The following SDK1 variants were observed in gnomAD, a reference collection of about 807,000 sequenced individuals.
SDK1 encodes sidekick cell adhesion molecule 1.
A neutral mutation model predicts 245.5 loss-of-function variants in SDK1; 157 were observed. That is an observed-to-expected ratio of 0.64 (90% CI 0.56 to 0.73). SDK1 has a LOEUF of 0.73. SDK1 is among the 30% of genes least tolerant of loss of function. The probability of loss-of-function intolerance (pLI) is 0.00; values close to 1 mark genes in which losing one functional copy is unlikely to be tolerated. For synonymous variants in SDK1, 1,647 were observed against 1,278.5 expected (o/e 1.29, Z -6.15); for missense variants, 3,583 against 3,002.3 (o/e 1.19, Z -4.52).
intron 4 of SDK1, among the ~76,000 whole-genome samples, chr7:3,688,533 G>A (rs577219339): frequency 6.6e-6 from 1 of 152,338 alleles, no homozygotes; most frequent in African/African-American, 2.4e-5. Flanking sequence ...GCCGTTGTTA[G>A]TATTATAATT....
At chr7:4,068,776 C>T (rs7781717) in intron 20 of SDK1, among the ~76,000 whole-genome samples, 6,114 of 151,722 alleles carry the variant, frequency 0.04, 453 homozygotes, top group African/African-American at 0.14. Flanking sequence ...GGCTGGAGTG[C>T]GGTGGCGTGA....
intron 1 of SDK1, among the ~76,000 whole-genome samples, chr7:3,315,474 C>T (rs1404960478): frequency 1.3e-5 from 2 of 152,090 alleles, no homozygotes; most frequent in Admixed American, 6.6e-5. Context: ...CTGGGAGTCT[C>T]CAAGTACCAG....
chr7:3,344,641 A>T (rs1049158604), intron 1 of SDK1, among the ~76,000 whole-genome samples: 1 of 150,292 alleles, frequency 6.7e-6, no homozygotes, highest in Non-Finnish European at 1.5e-5. Context: ...CCATTCTCAG[A>T]ATAGGTGGAT....
At chr7:3,560,040 C>G (rs1164240999) in intron 1 of SDK1, among the ~76,000 whole-genome samples, 3 of 152,218 alleles carry the variant, frequency 2.0e-5, no homozygotes, top group Non-Finnish European at 4.4e-5. Flanking sequence ...CTCAAAGCAA[C>G]CTGTCATGAG....
intron 1 of SDK1, among the ~76,000 whole-genome samples, chr7:3,343,365 G>A (rs749715980): frequency 6.6e-6 from 1 of 152,322 alleles, no homozygotes; most frequent in Non-Finnish European, 1.5e-5. Context: ...TGCACCTACT[G>A]TGAATCTCCA....
intron 19 of SDK1, among the ~76,000 whole-genome samples, chr7:4,064,672 A>G (rs1779756070): frequency 6.6e-6 from 1 of 152,224 alleles, no homozygotes; most frequent in Non-Finnish European, 1.5e-5. Flanking sequence ...AGCGTCCATC[A>G]GTAGACCAAC....
At chr7:3,405,061 C>T (rs1779012169) in intron 1 of SDK1, among the ~76,000 whole-genome samples, 2 of 151,490 alleles carry the variant, frequency 1.3e-5, no homozygotes, top group South Asian at 2.1e-4. Flanking sequence ...CTACCTGAGG[C>T]AGGCTTTGTG....
At chr7:3,430,538 C>A (rs535468045) in intron 1 of SDK1, among the ~76,000 whole-genome samples, 44 of 152,272 alleles carry the variant, frequency 2.9e-4, no homozygotes, top group African/African-American at 1.0e-3. Flanking sequence ...AGCTTCATTC[C>A]TCTCTTTCTG....
chr7:4,068,367 C>G (rs1195356423), intron 20 of SDK1, among the ~76,000 whole-genome samples: 1 of 152,164 alleles, frequency 6.6e-6, no homozygotes, highest in African/African-American at 2.4e-5. Flanking sequence ...TTCCTTCATT[C>G]AGCAGATGGC....
chr7:4,157,319 C>A (rs73035590), intron 30 of SDK1, among the ~76,000 whole-genome samples: 50 of 131,812 alleles, frequency 3.8e-4, no homozygotes, highest in Middle Eastern at 3.9e-3. Flanking sequence ...GAAGGAGGGA[C>A]GGGAGGTGGA....
intron 1 of SDK1, among the ~76,000 whole-genome samples, chr7:3,351,871 C>T (rs541352074): frequency 4.6e-5 from 7 of 152,116 alleles, no homozygotes; most frequent in South Asian, 2.1e-4. Flanking sequence ...AGAACATGAT[C>T]AATGAACAAA....
At chr7:3,545,406 T>C (rs1779188865) in intron 1 of SDK1, among the ~76,000 whole-genome samples, 1 of 152,186 alleles carries the variant, frequency 6.6e-6, no homozygotes, top group African/African-American at 2.4e-5. Context: ...GAAAGACTAA[T>C]GTGCAGTCAC....
At chr7:3,829,696 C>T (rs1562475464) in intron 5 of SDK1, among the ~76,000 whole-genome samples, 1 of 152,150 alleles carries the variant, frequency 6.6e-6, no homozygotes, top group Non-Finnish European at 1.5e-5. Flanking sequence ...GGAGGCCATC[C>T]AGCAGGAAGG....
chr7:3,940,649 C>T (rs1424217003), intron 5 of SDK1, among the ~76,000 whole-genome samples: 1 of 151,746 alleles, frequency 6.6e-6, no homozygotes, highest in Non-Finnish European at 1.5e-5. Context: ...ACGATGAAAC[C>T]CCGTCTACTA....
intron 4 of SDK1, among the ~76,000 whole-genome samples, chr7:3,686,662 C>T (rs1784292050): frequency 6.6e-6 from 1 of 152,096 alleles, no homozygotes; most frequent in African/African-American, 2.4e-5. Context: ...AGCGCACTGA[C>T]CCTGAGTTAG....
chr7:4,259,384 A>C (rs1169171898), intron 44 of SDK1, among the ~76,000 whole-genome samples: 1 of 152,202 alleles, frequency 6.6e-6, no homozygotes, highest in Non-Finnish European at 1.5e-5. Flanking sequence ...ACAGTGAGCC[A>C]AGATCGTACC....
rs1456082004 is a variant in SDK1, at chr7:4,265,783, G to A, written c.*399G>A. Reference sequence around the variant, plus strand: ...GTGAGATCTCAGAGCTGCCCCGGCCGGCCCCCGTCTCTTTCTACCTCCTCT... The same window carrying A: ...GTGAGATCTCAGAGCTGCCCCGGCCAGCCCCCGTCTCTTTCTACCTCCTCT... On this transcript the variant is annotated 3_prime_UTR_variant, in exon 45 of 45. Coordinates refer to ENST00000404826, the MANE Select transcript of SDK1 (RefSeq NM_152744.4). 9.9e-7 allele frequency: 1 copy of A among 1,012,662 alleles called. No individual in the cohort carries two copies. The highest frequency in any genetic ancestry group is 4.5e-5 in the South Asian group (1 of 21,982). The allele number at this position is 1,012,662 out of a possible 1,614,324, so 62.7% of individuals were successfully genotyped here. A position where few individuals can be genotyped will look rare whatever the true frequency, so the allele number is the denominator to read the frequency against.
intron 4 of SDK1, among the ~76,000 whole-genome samples, chr7:3,666,965 A>C (rs1322321338): frequency 6.6e-6 from 1 of 151,136 alleles, no homozygotes; most frequent in African/African-American, 2.4e-5. Context: ...TTTTTTATTT[A>C]CTTTTTTTTT....
In SDK1 at chr7:3,987,334, A is replaced by G. The variant is rs370134633; in HGVS notation, c.2131+12A>G. The G allele has an allele frequency of 8.7e-6, 14 of 1,612,816 alleles. No individual in the cohort carries two copies. In the African/African-American group the frequency reaches 1.9e-4, roughly 22 times the overall value. ...GCTCTCTGAAAACAGTAAGTAGCAA[A>G]ATGAAACTGTCACCATGGACGATAA... On this transcript the variant is annotated intron_variant, in intron 14 of 44. Coordinates refer to ENST00000404826, the MANE Select transcript of SDK1 (RefSeq NM_152744.4).
Sources: gnomAD v4.1 joint callset for allele counts (sites outside exome capture counted in the v4.1 genomes callset) on GRCh38, gnomAD v4.1.1 for gene constraint, MANE v1.5 for transcripts, NCBI Gene and HGNC (gene_info 2026-07-23, HGNC 2026-07-21) for gene names.